RALGAPA2: variants seen among roughly 807,000 people sequenced by gnomAD.
RALGAPA2 encodes the protein ral GTPase-activating protein subunit alpha-2.
In RALGAPA2, 139 loss-of-function variants were observed where a neutral mutation model predicts 230.4. That is an observed-to-expected ratio of 0.60 (90% CI 0.53 to 0.69). RALGAPA2 has a LOEUF of 0.69. Among genes scored for constraint, RALGAPA2 ranks in the 30% least tolerant of loss-of-function variants. The pLI, the probability that RALGAPA2 is intolerant of heterozygous loss-of-function variation, is 0.00. For synonymous variants in RALGAPA2, 847 were observed against 837.8 expected, an observed-to-expected ratio of 1.01 and a Z score of -0.19; for missense variants, 2,163 against 2,276.0, an observed-to-expected ratio of 0.95 and a Z score of 1.01.
intron 37 of RALGAPA2, among the ~76,000 whole-genome samples, chr20:20,435,989 G>T (rs934083325): frequency 1.3e-5 from 2 of 152,160 alleles, no homozygotes; most frequent in Non-Finnish European, 2.9e-5. Context: ...CTTGAAATGG[G>T]GTGAGTTATG....
At chr20:20,620,897 C>G (rs1198446089) in intron 10 of RALGAPA2, among the ~76,000 whole-genome samples, 3 of 152,200 alleles carry the variant, frequency 2.0e-5, no homozygotes, top group Non-Finnish European at 2.9e-5. Context: ...AATCCTAACA[C>G]TTTGGGAGGC....
At position 20,676,304 on chromosome 20, in the gene RALGAPA2, ATAAT is replaced by A. The variant is rs1436028961; in HGVS notation, c.218-20_218-17del. On this transcript the variant is annotated splice_polypyrimidine_tract_variant and intron_variant, in intron 2 of 39. Coordinates refer to ENST00000202677, the MANE Select transcript of RALGAPA2 (RefSeq NM_020343.4). ...TTATTATTCCCTGGAATATTAAAAA[ATAAT>A]TAGTTATCATGACATCATTTAAACT... 2.6e-6 allele frequency: 4 copies of A among 1,520,188 alleles called. No individual in the cohort carries two copies. The African/African-American group carries it at 4.1e-5, about 16-fold the overall frequency. The allele number at this position is 1,520,188 out of a possible 1,614,324, so 94.2% of individuals were successfully genotyped here. A position where few individuals can be genotyped will look rare whatever the true frequency, so the allele number is the denominator to read the frequency against.
chr20:20,522,366 C>G (rs2063070567), intron 30 of RALGAPA2, among the ~76,000 whole-genome samples: 1 of 151,816 alleles, frequency 6.6e-6, no homozygotes, highest in African/African-American at 2.4e-5. Flanking sequence ...CTATGTAATA[C>G]TATATATCAC....
intron 13 of RALGAPA2, among the ~76,000 whole-genome samples, chr20:20,613,833 C>T (rs763306499): frequency 2.0e-5 from 3 of 152,178 alleles, no homozygotes; most frequent in East Asian, 1.9e-4. Flanking sequence ...TGACAGCTGA[C>T]GGAAAAAACT....
intron 26 of RALGAPA2, among the ~76,000 whole-genome samples, chr20:20,534,101 G>A (rs543613102): frequency 1.3e-5 from 2 of 152,058 alleles, no homozygotes; most frequent in Non-Finnish European, 1.5e-5. Context: ...TACACAAAAC[G>A]TGTCAGAGAT....
intron 1 of RALGAPA2, among the ~76,000 whole-genome samples, chr20:20,682,028 T>C (rs888340163): frequency 3.9e-5 from 6 of 152,224 alleles, no homozygotes; most frequent in Non-Finnish European, 7.3e-5. Context: ...AACATACATA[T>C]TATGATTTTC....
At chr20:20,479,241 T>G (rs190531634) in intron 36 of RALGAPA2, among the ~76,000 whole-genome samples, 1 of 152,262 alleles carries the variant, frequency 6.6e-6, no homozygotes, top group Non-Finnish European at 1.5e-5. Context: ...AAAATTCAAA[T>G]AAAATCTTCG....
chr20:20,644,396 T>C (rs1369411448), intron 4 of RALGAPA2, among the ~76,000 whole-genome samples: 2 of 152,182 alleles, frequency 1.3e-5, no homozygotes, highest in African/African-American at 2.4e-5. Context: ...CACCAATGAA[T>C]TTCATAGAGC....
intron 23 of RALGAPA2, among the ~76,000 whole-genome samples, chr20:20,549,530 G>T (rs2063866413): frequency 6.6e-6 from 1 of 152,166 alleles, no homozygotes; most frequent in South Asian, 2.1e-4. Flanking sequence ...CTGGGGGAGG[G>T]TAAATGGGGG....
chr20:20,693,123 T>G (rs1367275483), intron 1 of RALGAPA2, among the ~76,000 whole-genome samples: 1 of 152,222 alleles, frequency 6.6e-6, no homozygotes, highest in African/African-American at 2.4e-5. Flanking sequence ...CATCAAATTC[T>G]TAGAAATCAG....
At position 20,468,104 on chromosome 20, in the gene RALGAPA2, C is replaced by G. The variant is rs73289137; in HGVS notation, c.5495+4725G>C. On this transcript the variant is annotated intron_variant, in intron 37 of 39. Transcript: ENST00000202677. ...TTTTGCAACGTCCAACGTCAAAAAT[C>G]CATTCCTTCAAATTACTAAGAAATG... Among the ~76,000 whole-genome samples, 1,518 of 152,224 alleles carry G rather than the reference C, an allele frequency of 1.0e-2. 20 individuals are homozygous for G. Among genetic ancestry groups the G allele is most frequent in the African/African-American group, 0.035 (1,447 of 41,518 alleles).
Position 20,513,212 on chromosome 20 carries a change from AG to A in RALGAPA2, c.4156del (p.Leu1386TrpfsTer63). On this transcript the variant is annotated frameshift_variant, in exon 32 of 40. Transcript: ENST00000202677. LOFTEE classifies it high-confidence loss of function. ...RMVMAHLVNHLGHYPLSGGPA... is the reference protein window; with the variant it reads ...RMVMAHLVNHXGHYPLSGGPA... ...GCCCCCACTGAGGGGGTAGTGCCCC[AG>A]GTGGTTCACCAGGTGGGCCATCACC... 1 of 1,517,892 alleles carries A rather than the reference AG, an allele frequency of 6.6e-7. No individual in the cohort carries two copies. Among genetic ancestry groups the A allele is most frequent in the East Asian group, 2.3e-5 (1 of 44,012 alleles). The allele number at this position is 1,517,892 out of a possible 1,614,324, so 94.0% of individuals were successfully genotyped here.
chr20:20,680,822 T>C, intron 1 of RALGAPA2, 21 bp from the exon 2 acceptor site: 1 of 1,540,862 alleles, frequency 6.5e-7, no homozygotes, highest in Non-Finnish European at 8.7e-7. Flanking sequence ...AAAGTTTCCA[T>C]TTATGACAAT....
intron 16 of RALGAPA2, among the ~76,000 whole-genome samples, chr20:20,598,267 T>A (rs1424085726): frequency 6.6e-6 from 1 of 152,216 alleles, no homozygotes; most frequent in African/African-American, 2.4e-5. Flanking sequence ...AGATCCCGCC[T>A]ACATACATTT....
At chr20:20,616,289 A>C in intron 12 of RALGAPA2, 98 bp from the exon 13 acceptor site, 1 of 966,124 alleles carries the variant, frequency 1.0e-6, no homozygotes, top group Non-Finnish European at 1.5e-6. Flanking sequence ...CAATGAAATC[A>C]TTTTTCAGTT....
At chr20:20,396,426 G>T (rs1374308565) in intron 39 of RALGAPA2, among the ~76,000 whole-genome samples, 1 of 152,264 alleles carries the variant, frequency 6.6e-6, no homozygotes, top group Non-Finnish European at 1.5e-5. Flanking sequence ...ACACAAAAGG[G>T]CAGGCGACAA....
intron 37 of RALGAPA2, among the ~76,000 whole-genome samples, chr20:20,414,513 T>C (rs1438880036): frequency 6.6e-6 from 1 of 152,146 alleles, no homozygotes; most frequent in Non-Finnish European, 1.5e-5. Context: ...TAATACCAGA[T>C]GAACTGACCC....
intron 23 of RALGAPA2, among the ~76,000 whole-genome samples, chr20:20,548,963 T>C (rs1018304514): frequency 2.6e-5 from 4 of 152,194 alleles, no homozygotes; most frequent in African/African-American, 9.6e-5. Context: ...TGCCATGCAT[T>C]TGAAGATTAA....
chr20:20,477,573 C>T (rs1274509487), intron 36 of RALGAPA2, among the ~76,000 whole-genome samples: 1 of 152,176 alleles, frequency 6.6e-6, no homozygotes, highest in Non-Finnish European at 1.5e-5. Context: ...AACACAGCCA[C>T]ACTTATCCAC....
Sources: gnomAD v4.1 joint callset for allele counts (sites outside exome capture counted in the v4.1 genomes callset) on GRCh38, gnomAD v4.1.1 for gene constraint, MANE v1.5 for transcripts, NCBI Gene and HGNC (gene_info 2026-07-23, HGNC 2026-07-21) for gene names.